Variants in STK3 observed in about 807,000 individuals in gnomAD.
STK3 encodes the protein serine/threonine-protein kinase 3.
In STK3, 41 loss-of-function variants were observed where a neutral mutation model predicts 58.0. That is an observed-to-expected ratio of 0.71 (90% CI 0.55 to 0.92). STK3 has a LOEUF of 0.92. STK3 is among the 40% of genes least tolerant of loss of function. STK3 has a pLI of 0.00. For synonymous variants in STK3, 170 were observed against 191.0 expected (o/e 0.89, Z 0.91); for missense variants, 479 against 602.7 (o/e 0.79, Z 2.15).
downstream of STK3, chr8:98,881,972 G>A (rs1158680800): frequency 2.0e-5 from 3 of 152,042 alleles, no homozygotes; most frequent in Admixed American, 6.6e-5. Flanking sequence ...GGGTGATGGA[G>A]CAAGACCCTG....
At chr8:98,651,208 C>A (rs559639956) in intron 6 of STK3, among the ~76,000 whole-genome samples, 47 of 152,198 alleles carry the variant, frequency 3.1e-4, no homozygotes, top group Admixed American at 4.6e-4. Flanking sequence ...CTGCAGCCAC[C>A]GCTGCTGGTA....
chr8:98,617,264 C>T (rs564751666), intron 6 of STK3, among the ~76,000 whole-genome samples: 139 of 145,010 alleles, frequency 9.6e-4, no homozygotes, highest in African/African-American at 1.5e-3. Flanking sequence ...TTGAAACCAA[C>T]GAGAACAAAG....
chr8:98,716,898 G>T (rs1037398582), intron 4 of STK3, among the ~76,000 whole-genome samples: 1 of 152,094 alleles, frequency 6.6e-6, no homozygotes, highest in African/African-American at 2.4e-5. Flanking sequence ...TTCAACAAGA[G>T]TGTCAAGAAC....
In STK3 at chr8:98,939,452, A is replaced by T. The variant is rs73699942; in HGVS notation, c.-79+2926T>A. 8.1e-3 allele frequency among the ~76,000 whole-genome samples: 1,240 copies of T among 152,334 alleles called. 14 individuals carry two copies. Among genetic ancestry groups the T allele is most frequent in the African/African-American group, 0.028 (1,159 of 41,580 alleles). On this transcript the variant is annotated intron_variant, in intron 1 of 1. Transcript: ENST00000519420. Reference sequence around the variant, plus strand: ...TTCCAGATGATGCGAATGCTGTTGGACCACACTTTAAGAACCGCTGCTCTA... The same window carrying T: ...TTCCAGATGATGCGAATGCTGTTGGTCCACACTTTAAGAACCGCTGCTCTA...
At chr8:98,927,944 C>T (rs138581329) in intron 1 of STK3, among the ~76,000 whole-genome samples, 57 of 152,312 alleles carry the variant, frequency 3.7e-4, no homozygotes, top group African/African-American at 1.3e-3. Context: ...ATGGACTTTT[C>T]GGTTACATGG....
chr8:98,560,133 A>C (rs528796117), intron 8 of STK3, among the ~76,000 whole-genome samples: 106 of 152,280 alleles, frequency 7.0e-4, no homozygotes, highest in African/African-American at 2.5e-3. Flanking sequence ...CCATATTTAT[A>C]AATGGGAAAA....
intron 7 of STK3, among the ~76,000 whole-genome samples, chr8:98,587,618 T>C (rs192646948): frequency 0.011 from 1,736 of 152,234 alleles, 37 homozygotes; most frequent in African/African-American, 0.04. Context: ...TTAGTTCCGC[T>C]TGGTGCAGAG....
chr8:98,557,861 AG>A (rs1811719797), intron 8 of STK3, among the ~76,000 whole-genome samples: 2 of 152,130 alleles, frequency 1.3e-5, no homozygotes, highest in Admixed American at 1.3e-4. Context: ...CAAAGCTTTC[AG>A]GATCTCCAAA....
intron 6 of STK3, among the ~76,000 whole-genome samples, chr8:98,618,429 C>A (rs1817955474): frequency 6.6e-6 from 1 of 152,192 alleles, no homozygotes. Context: ...TCTCTCACTG[C>A]TGCTATTCAA....
At chr8:98,601,863 T>C (rs540461414) in intron 6 of STK3, among the ~76,000 whole-genome samples, 1 of 152,298 alleles carries the variant, frequency 6.6e-6, no homozygotes, top group South Asian at 2.1e-4. Flanking sequence ...AAAGGCATCT[T>C]GTTGCCCATA....
At chr8:98,785,572 C>A (rs1398916255) in intron 1 of STK3, among the ~76,000 whole-genome samples, 4 of 152,160 alleles carry the variant, frequency 2.6e-5, no homozygotes, top group Non-Finnish European at 5.9e-5. Flanking sequence ...CAGGGCTGAG[C>A]AGGAAACTCA....
chr8:98,347,342 G>A, the STK3 span, among the ~76,000 whole-genome samples: 1 of 151,632 alleles, frequency 6.6e-6, no homozygotes, highest in Non-Finnish European at 1.5e-5. Context: ...GTGAAACCCC[G>A]TCTCTACTAA....
intron 3 of STK3, among the ~76,000 whole-genome samples, chr8:98,763,066 C>G (rs542754084): frequency 6.6e-6 from 1 of 152,052 alleles, no homozygotes; most frequent in East Asian, 1.9e-4. Context: ...CAAAAGAGTC[C>G]CATATATAAA....
chr8:98,825,283 T>G (rs1835175637), intron 1 of STK3, among the ~76,000 whole-genome samples: 1 of 151,956 alleles, frequency 6.6e-6, no homozygotes, highest in Non-Finnish European at 1.5e-5. Flanking sequence ...CACCCGACTT[T>G]CCACGCGCCA....
chr8:98,840,237 C>T (rs1835914171), intron 3 of STK3, among the ~76,000 whole-genome samples: 1 of 151,164 alleles, frequency 6.6e-6, no homozygotes, highest in Non-Finnish European at 1.5e-5. Context: ...AATCCAGCCA[C>T]TCAGGAGGCT....
In STK3 at chr8:98,800,640, G is replaced by A. The variant is rs1000532264; in HGVS notation, c.26+24875C>T. On this transcript the variant is annotated intron_variant, in intron 1 of 10. Transcript: ENST00000419617. This position sits in a 1 kb window ranked among gnomAD's most constrained non-coding sequence, Gnocchi z 4.8. Reference sequence around the variant, plus strand: ...GCGCGCAGCACTCATGGGCCAGCACGAGTTCCGGGTGGGTGTGGGCTTGAT... The same window carrying A: ...GCGCGCAGCACTCATGGGCCAGCACAAGTTCCGGGTGGGTGTGGGCTTGAT... Among the ~76,000 whole-genome samples, 16 of 152,220 alleles carry A rather than the reference G, an allele frequency of 1.1e-4. No individual in the cohort carries two copies. The highest frequency in any genetic ancestry group is 2.2e-4 in the African/African-American group (9 of 41,468).
At chr8:98,347,536 A>C in the STK3 span, among the ~76,000 whole-genome samples, 4 of 151,834 alleles carry the variant, frequency 2.6e-5, no homozygotes, top group African/African-American at 9.7e-5. Flanking sequence ...AAAAAAACCA[A>C]AAAAAACCAC....
At chr8:98,652,152 C>A (rs919751990) in intron 6 of STK3, among the ~76,000 whole-genome samples, 20 of 152,138 alleles carry the variant, frequency 1.3e-4, no homozygotes, top group Admixed American at 2.6e-4. Flanking sequence ...ACTCTACAAG[C>A]CAGAAGACAG....
intron 10 of STK3, among the ~76,000 whole-genome samples, chr8:98,507,045 A>C (rs1824150057): frequency 6.6e-6 from 1 of 152,178 alleles, no homozygotes. Flanking sequence ...CCTTCTCTAC[A>C]TATACTCATT....
Sources: gnomAD v4.1 joint callset for allele counts (sites outside exome capture counted in the v4.1 genomes callset) on GRCh38, gnomAD v4.1.1 for gene constraint, Gnocchi (gnomAD v3.1) non-coding constraint, MANE v1.5 for transcripts, NCBI Gene and HGNC (gene_info 2026-07-23, HGNC 2026-07-21) for gene names.